PRKG1: variants seen among roughly 807,000 people sequenced by gnomAD.
PRKG1 encodes protein kinase cGMP-dependent 1.
A neutral mutation model predicts 88.1 loss-of-function variants in PRKG1; 35 were observed. The ratio of observed to expected loss-of-function variants is 0.40; its 90% confidence interval spans 0.30 to 0.53. The LOEUF (loss-of-function observed/expected upper bound fraction) is 0.53, where lower values mean the gene tolerates loss of function less well. Among genes scored for constraint, PRKG1 ranks in the 20% least tolerant of loss-of-function variants. The pLI is 0.59. For missense variants in PRKG1, 540 were observed against 839.8 expected, an observed-to-expected ratio of 0.64 and a Z score of 4.41; for synonymous variants, 303 against 292.5, an observed-to-expected ratio of 1.04 and a Z score of -0.37.
intron 7 of PRKG1, among the ~76,000 whole-genome samples, chr10:52,072,287 CT>C (rs1424328387): frequency 6.9e-6 from 1 of 144,364 alleles, no homozygotes; most frequent in Non-Finnish European, 1.5e-5. Context: ...AACACAATGT[CT>C]GGTGGGAATT....
At chr10:51,391,706 A>T (rs184905955) in intron 2 of PRKG1, among the ~76,000 whole-genome samples, 30 of 152,342 alleles carry the variant, frequency 2.0e-4, no homozygotes, top group Admixed American at 5.2e-4. Flanking sequence ...GAAATAGGGG[A>T]TAATAGAAAC....
chr10:51,553,170 A>C (rs1259276523), intron 3 of PRKG1, among the ~76,000 whole-genome samples: 1 of 151,650 alleles, frequency 6.6e-6, no homozygotes, highest in African/African-American at 2.4e-5. Flanking sequence ...GCTGAGCCCT[A>C]ACTTGTTTTA....
At chr10:51,045,699 A>T (rs2132763102) in intron 1 of PRKG1, among the ~76,000 whole-genome samples, 1 of 152,340 alleles carries the variant, frequency 6.6e-6, no homozygotes, top group African/African-American at 2.4e-5. Flanking sequence ...TAATCACCAT[A>T]AAACTTCGTG....
At chr10:51,566,761 A>G (rs1387081066) in intron 3 of PRKG1, among the ~76,000 whole-genome samples, 1 of 152,068 alleles carries the variant, frequency 6.6e-6, no homozygotes, top group Non-Finnish European at 1.5e-5. Context: ...GGTATTCCAT[A>G]TCTGTAAACA....
At chr10:51,207,727 T>A (rs1358491800) in intron 2 of PRKG1, among the ~76,000 whole-genome samples, 1 of 152,164 alleles carries the variant, frequency 6.6e-6, no homozygotes, top group Non-Finnish European at 1.5e-5. Flanking sequence ...TGGAAGCCAA[T>A]GGCAACTTTA....
At position 51,897,569 on chromosome 10, in the gene PRKG1, A is replaced by G. The variant is rs573702805; in HGVS notation, c.699-9938A>G. Among the ~76,000 whole-genome samples, 17 of 152,292 alleles carry G rather than the reference A, an allele frequency of 1.1e-4. No homozygotes were observed. In the South Asian group the frequency reaches 3.3e-3, roughly 30 times the overall value. On this transcript the variant is annotated intron_variant, in intron 4 of 17. Transcript: ENST00000373980. ...TGAAAATATCAAACCCTTTATTACT[A>G]ACTTAGAAAATAACTCGCTTATTGA... is the stretch of plus-strand genomic sequence containing the variant.
chr10:51,263,363 G>T (rs1445655213), intron 2 of PRKG1, among the ~76,000 whole-genome samples: 3 of 152,058 alleles, frequency 2.0e-5, no homozygotes, highest in African/African-American at 7.2e-5. Context: ...TTGTTTGTTT[G>T]TTTTTTCTGG....
chr10:52,206,675 T>C (rs184605651), intron 9 of PRKG1, among the ~76,000 whole-genome samples: 132 of 152,316 alleles, frequency 8.7e-4, no homozygotes, highest in African/African-American at 3.0e-3. Context: ...TTGGAAGATT[T>C]CAGGGGCCAG....
chr10:51,481,616 T>C (rs1014145233), intron 3 of PRKG1, among the ~76,000 whole-genome samples: 2 of 152,204 alleles, frequency 1.3e-5, no homozygotes, highest in African/African-American at 4.8e-5. Context: ...TAATTTTGGA[T>C]TTATTTGAAA....
intron 1 of PRKG1, among the ~76,000 whole-genome samples, chr10:51,030,676 C>A (rs1564575480): frequency 6.6e-6 from 1 of 152,044 alleles, no homozygotes; most frequent in Non-Finnish European, 1.5e-5. Flanking sequence ...GGCTTGGTGC[C>A]ATCCTTGCAG....
chr10:52,115,629 G>A (rs984378835), intron 7 of PRKG1, among the ~76,000 whole-genome samples: 8 of 152,034 alleles, frequency 5.3e-5, no homozygotes, highest in Non-Finnish European at 8.8e-5. Flanking sequence ...TCATAGTCAG[G>A]GTTGGGATAT....
chr10:51,111,012 C>T (rs1227329492), intron 1 of PRKG1, among the ~76,000 whole-genome samples: 1 of 152,072 alleles, frequency 6.6e-6, no homozygotes, highest in African/African-American at 2.4e-5. Context: ...TTTACAAGTA[C>T]ACTTCAATGC....
chr10:51,576,287 C>T (rs1250308654), intron 3 of PRKG1, among the ~76,000 whole-genome samples: 4 of 151,932 alleles, frequency 2.6e-5, no homozygotes, highest in African/African-American at 4.8e-5. Context: ...TATGTGTATG[C>T]CCATACATGT....
chr10:51,453,077 A>G (rs985533894), intron 2 of PRKG1, among the ~76,000 whole-genome samples: 3 of 151,942 alleles, frequency 2.0e-5, no homozygotes, highest in African/African-American at 7.2e-5. Flanking sequence ...GTTTGTGCAC[A>G]TAAAGGTGTT....
intron 2 of PRKG1, among the ~76,000 whole-genome samples, chr10:51,199,153 T>A (rs1837848521): frequency 6.6e-6 from 1 of 152,168 alleles, no homozygotes; most frequent in Non-Finnish European, 1.5e-5. Context: ...ATTAGCCAAA[T>A]GTCTACACAT....
intron 3 of PRKG1, among the ~76,000 whole-genome samples, chr10:51,549,779 T>G (rs1345873693): frequency 1.3e-5 from 2 of 152,154 alleles, no homozygotes; most frequent in Non-Finnish European, 2.9e-5. Flanking sequence ...TGCCAGTTTA[T>G]GTCAAGTGGC....
At chr10:51,741,853 A>G (rs1403505007) in intron 3 of PRKG1, among the ~76,000 whole-genome samples, 3 of 152,192 alleles carry the variant, frequency 2.0e-5, no homozygotes, top group African/African-American at 7.2e-5. Flanking sequence ...TTAAATTGGT[A>G]TTTGGAACAA....
intron 2 of PRKG1, among the ~76,000 whole-genome samples, chr10:51,230,208 G>A (rs1031954839): frequency 6.6e-6 from 1 of 152,092 alleles, no homozygotes; most frequent in Non-Finnish European, 1.5e-5. Context: ...ATGGGAACAT[G>A]AATTCGATAT....
At chr10:51,686,180 ATG>A (rs1840985075) in intron 3 of PRKG1, among the ~76,000 whole-genome samples, 1 of 150,586 alleles carries the variant, frequency 6.6e-6, no homozygotes, top group Non-Finnish European at 1.5e-5. Context: ...TCAGGGGTCC[ATG>A]TGTAGGTTTG....
Sources: allele counts gnomAD v4.1 joint callset (sites outside exome capture counted in the v4.1 genomes callset), GRCh38; gene constraint gnomAD v4.1.1; transcripts MANE v1.5; gene names NCBI Gene and HGNC (gene_info 2026-07-23, HGNC 2026-07-21).